Variants in XCR1 observed in about 807,000 individuals in gnomAD.
The protein encoded by XCR1 is chemokine XC receptor 1.
For synonymous variants in XCR1, 187 were observed against 188.5 expected, an observed-to-expected ratio of 0.99 and a Z score of 0.06; for missense variants, 356 against 424.2, an observed-to-expected ratio of 0.84 and a Z score of 1.41.
At chr3:46,030,998 C>G (rs1708384498), upstream of XCR1, among the ~76,000 whole-genome samples, 1 of 152,246 alleles carries the variant, frequency 6.6e-6, no homozygotes, top group Non-Finnish European at 1.5e-5. Context: ...CCACCTGCAC[C>G]TTGCCCAGAA....
At chr3:46,080,949 G>A (rs1456333615) in intron 1 of XCR1, among the ~76,000 whole-genome samples, 1 of 152,076 alleles carries the variant, frequency 6.6e-6, no homozygotes, top group Admixed American at 6.6e-5. Flanking sequence ...TTGATATATG[G>A]CAATTGGACT....
chr3:46,064,757 C>A (rs2125901683), intron 4 of XCR1, among the ~76,000 whole-genome samples: 1 of 152,302 alleles, frequency 6.6e-6, no homozygotes, highest in African/African-American at 2.4e-5. Context: ...AGGTATCCAC[C>A]AGCTCAACAG....
intron 1 of XCR1, 118 bp from the exon 2 acceptor site, chr3:46,022,096 T>C (rs1708168355): frequency 4.5e-6 from 4 of 897,648 alleles, no homozygotes; most frequent in African/African-American, 3.4e-5. Flanking sequence ...CCCCAGGAGT[T>C]TGAGACCATC....
intron 1 of XCR1, among the ~76,000 whole-genome samples, chr3:46,084,633 A>T (rs1559498552): frequency 1.3e-5 from 2 of 152,216 alleles, no homozygotes; most frequent in African/African-American, 2.4e-5. Flanking sequence ...TTTTGTCTTT[A>T]AAAATCCACT....
chr3:46,073,918 A>C (rs1376015906), intron 3 of XCR1, among the ~76,000 whole-genome samples: 2 of 151,452 alleles, frequency 1.3e-5, no homozygotes, highest in African/African-American at 2.4e-5. Context: ...AAAAAAAAAA[A>C]CCCAACAGAT....
At chr3:46,041,388 G>C (rs191550998) in intron 5 of XCR1, among the ~76,000 whole-genome samples, 2 of 152,106 alleles carry the variant, frequency 1.3e-5, no homozygotes, top group African/African-American at 4.8e-5. Flanking sequence ...TTATTTTGCT[G>C]GTAAATTGGT....
At chr3:46,045,297 C>G (rs1697604912) in intron 5 of XCR1, among the ~76,000 whole-genome samples, 1 of 151,898 alleles carries the variant, frequency 6.6e-6, no homozygotes, top group Non-Finnish European at 1.5e-5. Flanking sequence ...GTAATCCCAA[C>G]TACTCGGGAG....
At chr3:46,032,221 A>G (rs1393593842), upstream of XCR1, among the ~76,000 whole-genome samples, 1 of 152,180 alleles carries the variant, frequency 6.6e-6, no homozygotes, top group Non-Finnish European at 1.5e-5. Context: ...TCCTTTGGGG[A>G]TCCCAGACCT....
At chr3:46,041,153 T>C (rs1697531314) in intron 5 of XCR1, among the ~76,000 whole-genome samples, 1 of 152,216 alleles carries the variant, frequency 6.6e-6, no homozygotes, top group South Asian at 2.1e-4. Flanking sequence ...AAACTATTTG[T>C]GAATATTCCT....
intron 5 of XCR1, among the ~76,000 whole-genome samples, chr3:46,049,551 A>G (rs933330865): frequency 3.3e-5 from 5 of 152,182 alleles, no homozygotes; most frequent in Non-Finnish European, 7.3e-5. Context: ...TTTCTATGTG[A>G]CTGGCTACAT....
chr3:46,079,831 A>C (rs1222784866), intron 1 of XCR1, among the ~76,000 whole-genome samples: 2 of 152,190 alleles, frequency 1.3e-5, no homozygotes, highest in Admixed American at 6.5e-5. Flanking sequence ...GACCTTTATC[A>C]ATTAGTTCAC....
In XCR1 at chr3:46,019,511, T is replaced by G. The variant is rs775101183; in HGVS notation, c.*1435A>C. ...CCAGAGAATGTTCTAATTTGCAGAT[T>G]AGGGAGGGCTTCCTGGAGAAGCTGG... On this transcript the variant is annotated 3_prime_UTR_variant, in exon 2 of 2. Transcript: ENST00000309285. 6.6e-6 allele frequency: 1 copy of G among 152,198 alleles called. No homozygotes were observed. The highest frequency in any genetic ancestry group is 1.9e-4 in the East Asian group (1 of 5,164). 9.4% of individuals were successfully genotyped at this position (152,198 alleles called of 1,614,324 possible). A position where few individuals can be genotyped will look rare whatever the true frequency, so the allele number is the denominator to read the frequency against.
Position 46,021,911 on chromosome 3 carries a change from A to T in XCR1, c.37T>A (p.Phe13Ile). 6.2e-7 allele frequency: 1 copy of T among 1,613,896 alleles called. No individual in the cohort carries two copies. Among genetic ancestry groups the T allele is most frequent in the Non-Finnish European group, 8.5e-7 (1 of 1,179,900 alleles). ...SSGNPESTTF[F>I]YYDLQSQPCE... Reference sequence around the variant, plus strand: ...GGCTGGCTCTGAAGGTCATAGTAAAAAAAGGTGGTGCTCTCTGGGTTGCCT... The same window carrying T: ...GGCTGGCTCTGAAGGTCATAGTAAATAAAGGTGGTGCTCTCTGGGTTGCCT... Residue 13 changes from phenylalanine (F) to isoleucine (I), a missense_variant, in exon 2 of 2, where the codon TTT becomes ATT. By Grantham distance (21) the Phe-to-Ile change is conservative. Transcript: ENST00000309285. The surrounding 1 kb of genome is among the most constrained non-coding windows in gnomAD (Gnocchi z 4.7).
upstream of XCR1, among the ~76,000 whole-genome samples, chr3:46,028,680 C>T (rs1049587840): frequency 3.8e-4 from 57 of 151,642 alleles, no homozygotes; most frequent in Non-Finnish European, 6.5e-4. Flanking sequence ...GCCTTGAACT[C>T]TGGAGCTCAA....
chr3:46,082,603 G>A (rs1269752938), intron 1 of XCR1, among the ~76,000 whole-genome samples: 2 of 146,842 alleles, frequency 1.4e-5, no homozygotes, highest in Non-Finnish European at 3.0e-5. Context: ...CAATCCTCCC[G>A]ACTCAGCTTC....
chr3:46,022,089 C>G, intron 1 of XCR1, 111 bp from the exon 2 acceptor site: 2 of 988,892 alleles, frequency 2.0e-6, no homozygotes, highest in Non-Finnish European at 2.9e-6. Context: ...TGCTTGACCC[C>G]AGGAGTTTGA....
intron 1 of XCR1, chr3:46,023,471 T>C (rs1449868518): frequency 6.4e-7 from 1 of 1,559,412 alleles, no homozygotes; most frequent in African/African-American, 1.4e-5. Flanking sequence ...TCACTGGAAT[T>C]GCAAAGGGAT....
chr3:46,074,214 C>CTATTTTTTTTTTTTT (rs1698213082), intron 3 of XCR1, among the ~76,000 whole-genome samples: 1 of 86,638 alleles, frequency 1.2e-5, no homozygotes, highest in Non-Finnish European at 2.2e-5. Context: ...TGAAGGCCAT[C>CTATTTTTTTTTTTTT]TTTTTTTTTT....
intron 1 of XCR1, 141 bp downstream of exon 1, chr3:46,027,276 G>A (rs974985298): frequency 6.6e-6 from 1 of 152,220 alleles, no homozygotes; most frequent in Non-Finnish European, 1.5e-5. Flanking sequence ...AGGAATAAGA[G>A]CCTTCAGAGG....
Sources: gnomAD v4.1 joint callset for allele counts (sites outside exome capture counted in the v4.1 genomes callset) on GRCh38, gnomAD v4.1.1 for gene constraint, Gnocchi (gnomAD v3.1) non-coding constraint, MANE v1.5 for transcripts, NCBI Gene and HGNC (gene_info 2026-07-23, HGNC 2026-07-21) for gene names.